CTNNA3: variants seen among roughly 807,000 people sequenced by gnomAD.
The protein encoded by CTNNA3 is catenin alpha-3.
CTNNA3 carries 76 observed loss-of-function variants against 95.7 expected under a neutral mutation model. The ratio of observed to expected loss-of-function variants is 0.79; its 90% CI spans 0.66 to 0.96. The LOEUF (loss-of-function observed/expected upper bound fraction) is 0.96, where lower values mean the gene tolerates loss of function less well. CTNNA3 is among the 40% of genes least tolerant of loss of function. CTNNA3 has a pLI of 0.00. For missense variants in CTNNA3, 1,191 were observed against 1,089.8 expected, an observed-to-expected ratio of 1.09 and a Z score of -1.31; for synonymous variants, 431 against 374.4, an observed-to-expected ratio of 1.15 and a Z score of -1.74.
At chr10:66,750,260 CT>C (rs1307380251) in intron 9 of CTNNA3, among the ~76,000 whole-genome samples, 1 of 152,120 alleles carries the variant, frequency 6.6e-6, no homozygotes, top group East Asian at 1.9e-4. Flanking sequence ...TTGATCATGA[CT>C]TTGATGTTGT....
At chr10:66,966,735 C>A (rs1015240827) in intron 7 of CTNNA3, among the ~76,000 whole-genome samples, 1 of 151,760 alleles carries the variant, frequency 6.6e-6, no homozygotes, top group Admixed American at 6.6e-5. Flanking sequence ...GATAGGCAAA[C>A]CATATTTAGA....
At chr10:67,632,299 C>G (rs991684448) in intron 2 of CTNNA3, among the ~76,000 whole-genome samples, 1 of 144,362 alleles carries the variant, frequency 6.9e-6, no homozygotes, top group Non-Finnish European at 1.5e-5. Flanking sequence ...CATTACCTGT[C>G]CATTAAATAT....
chr10:66,021,252 T>A (rs1349441858), intron 15 of CTNNA3, among the ~76,000 whole-genome samples: 2 of 152,174 alleles, frequency 1.3e-5, no homozygotes, highest in Non-Finnish European at 2.9e-5. Flanking sequence ...ATATCAAACC[T>A]ACTAAATTAG....
intron 15 of CTNNA3, among the ~76,000 whole-genome samples, chr10:66,061,992 T>C (rs2080210676): frequency 6.6e-6 from 1 of 152,142 alleles, no homozygotes; most frequent in Non-Finnish European, 1.5e-5. Context: ...AGTCTTGTTG[T>C]ACAATGGGTA....
rs548427934 is a variant in CTNNA3 at position 66,506,109 on chromosome 10, G to A, written c.1531+14508C>T. On this transcript the variant is annotated intron_variant, in intron 11 of 17. Coordinates refer to ENST00000433211, the MANE Select transcript of CTNNA3 (RefSeq NM_013266.4). ...AGGAAGCAAAGGGTGCGGGGTGCCA[G>A]GCTCTTTCAAATAACCTGCCCTTGC... Among the ~76,000 whole-genome samples the A allele has an allele frequency of 2.0e-5, 3 of 152,182 alleles. No individual in the cohort carries two copies. In the East Asian group the frequency reaches 5.8e-4, roughly 29 times the overall value.
intron 5 of CTNNA3, among the ~76,000 whole-genome samples, chr10:67,276,575 T>A: frequency 6.6e-6 from 1 of 152,138 alleles, no homozygotes; most frequent in East Asian, 1.9e-4. Context: ...TATTTTTTAA[T>A]TAATTCTATG....
At chr10:66,117,986 T>A (rs148668213) in intron 13 of CTNNA3, among the ~76,000 whole-genome samples, 1 of 152,166 alleles carries the variant, frequency 6.6e-6, no homozygotes, top group Non-Finnish European at 1.5e-5. Flanking sequence ...CCATGCTGTG[T>A]AACCTGGGAG....
chr10:66,471,120 A>G (rs1839114071), intron 11 of CTNNA3, among the ~76,000 whole-genome samples: 1 of 151,866 alleles, frequency 6.6e-6, no homozygotes. Context: ...TTTATTGTCC[A>G]TGGTTCTCTG....
chr10:67,006,436 A>G (rs1851993833), intron 7 of CTNNA3, among the ~76,000 whole-genome samples: 1 of 152,072 alleles, frequency 6.6e-6, no homozygotes, highest in Non-Finnish European at 1.5e-5. Flanking sequence ...ACTACTCTAC[A>G]TCTTGAAAAG....
intron 5 of CTNNA3, among the ~76,000 whole-genome samples, chr10:67,515,964 G>T (rs745897592): frequency 2.5e-4 from 38 of 151,916 alleles, no homozygotes; most frequent in Middle Eastern, 3.4e-3. Flanking sequence ...TTATTTTATT[G>T]ATTTATTTAT....
intron 12 of CTNNA3, among the ~76,000 whole-genome samples, chr10:66,333,981 T>C (rs2092363851): frequency 6.6e-6 from 1 of 152,134 alleles, no homozygotes; most frequent in African/African-American, 2.4e-5. Context: ...TAACATTATG[T>C]AATGGCCGTC....
chr10:67,603,620 T>TA (rs1297876925), intron 3 of CTNNA3, among the ~76,000 whole-genome samples: 2 of 150,972 alleles, frequency 1.3e-5, no homozygotes, highest in East Asian at 3.9e-4. Flanking sequence ...AAAAAATAAT[T>TA]AAAAATGTAA....
intron 12 of CTNNA3, among the ~76,000 whole-genome samples, chr10:66,334,924 T>C (rs942184689): frequency 6.6e-6 from 1 of 152,054 alleles, no homozygotes; most frequent in Non-Finnish European, 1.5e-5. Context: ...AGGCTTTGTT[T>C]GTTTCTTTTT....
intron 3 of CTNNA3, among the ~76,000 whole-genome samples, chr10:67,574,991 G>A (rs1842098249): frequency 6.6e-6 from 1 of 152,120 alleles, no homozygotes. Flanking sequence ...ATGTTACTGT[G>A]ACTCTATACA....
chr10:66,090,563 A>G (rs1469890989), intron 14 of CTNNA3, among the ~76,000 whole-genome samples: 1 of 152,044 alleles, frequency 6.6e-6, no homozygotes, highest in Non-Finnish European at 1.5e-5. Context: ...GCTCAATGAC[A>G]GCAGTTAGTA....
intron 7 of CTNNA3, among the ~76,000 whole-genome samples, chr10:67,044,772 C>T (rs1230923007): frequency 6.6e-6 from 1 of 152,104 alleles, no homozygotes; most frequent in Non-Finnish European, 1.5e-5. Flanking sequence ...AAGCATGATT[C>T]AGCCTAGCAC....
intron 6 of CTNNA3, among the ~76,000 whole-genome samples, chr10:67,194,823 G>A (rs1863273888): frequency 6.6e-6 from 1 of 151,696 alleles, no homozygotes; most frequent in South Asian, 2.1e-4. Context: ...ACACAATGAG[G>A]GGAATCTCTG....
chr10:67,029,042 G>T (rs1853565155), intron 7 of CTNNA3, among the ~76,000 whole-genome samples: 1 of 152,062 alleles, frequency 6.6e-6, no homozygotes, highest in African/African-American at 2.4e-5. Flanking sequence ...CATCAGACTA[G>T]CCCAGGAGTA....
At chr10:67,239,278 A>T (rs1865622058) in intron 5 of CTNNA3, among the ~76,000 whole-genome samples, 2 of 152,006 alleles carry the variant, frequency 1.3e-5, no homozygotes, top group African/African-American at 4.8e-5. Flanking sequence ...CACAGGCAAA[A>T]ATGTTCCATA....
Sources: allele counts gnomAD v4.1 joint callset (sites outside exome capture counted in the v4.1 genomes callset), GRCh38; gene constraint gnomAD v4.1.1; transcripts MANE v1.5; gene names NCBI Gene and HGNC (gene_info 2026-07-23, HGNC 2026-07-21).